The following CBX5 variants were observed in gnomAD, a reference collection of about 807,000 sequenced individuals.
CBX5 encodes chromobox 5, also known as chromobox protein homolog 5.
Under a neutral mutation model 20.7 loss-of-function variants are expected in CBX5, and 7 were observed. The ratio of observed to expected loss-of-function variants is 0.34; its 90% confidence interval spans 0.19 to 0.63. The LOEUF (loss-of-function observed/expected upper bound fraction) is 0.63, where lower values mean the gene tolerates loss of function less well. Among genes scored for constraint, CBX5 ranks in the 30% least tolerant of loss-of-function variants. The pLI is 0.75. For synonymous variants in CBX5, 78 were observed against 77.0 expected, an observed-to-expected ratio of 1.01 and a Z score of -0.07; for missense variants, 110 against 224.1, an observed-to-expected ratio of 0.49 and a Z score of 3.25.
At chr12:54,260,370 A>G (rs1943904570) in intron 1 of CBX5, among the ~76,000 whole-genome samples, 1 of 151,968 alleles carries the variant, frequency 6.6e-6, no homozygotes, top group Non-Finnish European at 1.5e-5. Context: ...GCAGGCGCAT[A>G]TAGTCCCAGC....
intron 1 of CBX5, among the ~76,000 whole-genome samples, chr12:54,267,318 T>C (rs17109902): frequency 0.52 from 79,650 of 152,012 alleles, 23,107 homozygotes; most frequent in African/African-American, 0.78. Context: ...TGAAAACACT[T>C]GTCCCCAAAT....
intron 1 of CBX5, among the ~76,000 whole-genome samples, chr12:54,270,493 G>C (rs924785677): frequency 6.6e-6 from 1 of 152,132 alleles, no homozygotes; most frequent in African/African-American, 2.4e-5. Flanking sequence ...GGCTGGTCTT[G>C]AACTCCTGAG....
intron 1 of CBX5, among the ~76,000 whole-genome samples, chr12:54,262,199 A>C (rs1472100555): frequency 6.6e-6 from 1 of 152,216 alleles, no homozygotes; most frequent in Non-Finnish European, 1.5e-5. Context: ...TAACTCTGTG[A>C]AGGAATAAGG....
At chr12:54,272,001 C>T (rs1358549100) in intron 1 of CBX5, 3 of 152,184 alleles carry the variant, frequency 2.0e-5, no homozygotes. Flanking sequence ...CCCTCCACAA[C>T]TCCCTGTGAG....
At position 54,238,491 on chromosome 12, in the gene CBX5, T is replaced by G. The variant is rs897788228; in HGVS notation, c.*3264A>C. 2 of 152,216 alleles carry G rather than the reference T, an allele frequency of 1.3e-5. No individual in the cohort carries two copies. Among genetic ancestry groups the G allele is most frequent in the East Asian group, 3.8e-4 (2 of 5,200 alleles). The allele number at this position is 152,216 out of a possible 1,614,324, so 9.4% of individuals were successfully genotyped here. A position where few individuals can be genotyped will look rare whatever the true frequency, so the allele number is the denominator to read the frequency against. Reference sequence around the variant, plus strand: ...ATATAGCTTCTTCTCTGGGATCTACTGAGGAGTGAAATCTAAATGAAGATT... The same window carrying G: ...ATATAGCTTCTTCTCTGGGATCTACGGAGGAGTGAAATCTAAATGAAGATT... On this transcript the variant is annotated 3_prime_UTR_variant, in exon 5 of 5. Coordinates refer to ENST00000209875, the MANE Select transcript of CBX5 (RefSeq NM_012117.3).
At chr12:54,275,404 G>A (rs1353049403) in intron 1 of CBX5, among the ~76,000 whole-genome samples, 4 of 151,916 alleles carry the variant, frequency 2.6e-5, no homozygotes, top group Non-Finnish European at 5.9e-5. Flanking sequence ...ACCACGCCCG[G>A]CTAATTTTTT....
chr12:54,245,322 T>G (rs991746931), intron 4 of CBX5, among the ~76,000 whole-genome samples: 1 of 152,118 alleles, frequency 6.6e-6, no homozygotes, highest in Non-Finnish European at 1.5e-5. Flanking sequence ...TTATATATTT[T>G]CTACCTCAAA....
At chr12:54,259,568 T>C (rs2137023201) in intron 1 of CBX5, 1 of 152,786 alleles carries the variant, frequency 6.5e-6, no homozygotes, top group African/African-American at 2.4e-5. Flanking sequence ...CCCTCCCAGG[T>C]CTGGGTCTTG....
At chr12:54,249,525 T>C (rs921267001) in intron 3 of CBX5, among the ~76,000 whole-genome samples, 1 of 151,742 alleles carries the variant, frequency 6.6e-6, no homozygotes. Context: ...AGAATGAAGA[T>C]ACATAGGGAT....
intron 1 of CBX5, among the ~76,000 whole-genome samples, chr12:54,274,510 A>G (rs145286008): frequency 6.6e-6 from 1 of 152,364 alleles, no homozygotes; most frequent in Non-Finnish European, 1.5e-5. Context: ...CTTTAGGCCC[A>G]GTTTCATGTA....
rs971430278 is a variant in CBX5, at chr12:54,239,143, G to A, written c.*2612C>T. 2.0e-5 allele frequency: 3 copies of A among 152,132 alleles called. No individual in the cohort carries two copies. The highest frequency in any genetic ancestry group is 1.9e-4 in the East Asian group (1 of 5,206). The allele number at this position is 152,132 out of a possible 1,614,324, so 9.4% of individuals were successfully genotyped here. ...GGAAGAGAACAAAAGTTGTTTTGGCGGCACTCAGTACAATAAACCGAAGAC... is the reference window on the plus strand; with the variant it reads ...GGAAGAGAACAAAAGTTGTTTTGGCAGCACTCAGTACAATAAACCGAAGAC... On this transcript the variant is annotated 3_prime_UTR_variant, in exon 5 of 5. Coordinates refer to ENST00000209875, the MANE Select transcript of CBX5 (RefSeq NM_012117.3).
rs1943655071 is a variant in CBX5 at position 54,239,441 on chromosome 12, G to A, written c.*2314C>T. 1 of 152,160 alleles carries A rather than the reference G, an allele frequency of 6.6e-6. No homozygotes were observed. The highest frequency in any genetic ancestry group is 6.6e-5 in the Admixed American group (1 of 15,254). The allele number at this position is 152,160 out of a possible 1,614,324, so 9.4% of individuals were successfully genotyped here. A position where few individuals can be genotyped will look rare whatever the true frequency, so the allele number is the denominator to read the frequency against. On this transcript the variant is annotated 3_prime_UTR_variant, in exon 5 of 5. Coordinates refer to ENST00000209875, the MANE Select transcript of CBX5 (RefSeq NM_012117.3). ...ATACACTGGGCCACTTGGATAGGCT[G>A]TCATTTTCTGCAAATCAAGAGACCC...
chr12:54,264,343 G>A (rs1943940176), intron 1 of CBX5, among the ~76,000 whole-genome samples: 1 of 152,142 alleles, frequency 6.6e-6, no homozygotes, highest in African/African-American at 2.4e-5. Flanking sequence ...TTTTTGGTGA[G>A]ATGCAGTCTC....
chr12:54,273,980 C>T (rs1944035623), intron 1 of CBX5: 1 of 152,108 alleles, frequency 6.6e-6, no homozygotes, highest in South Asian at 2.1e-4. Flanking sequence ...ACCTTTAATC[C>T]CTCATTTCAA....
intron 1 of CBX5, among the ~76,000 whole-genome samples, chr12:54,270,627 T>C (rs1404139730): frequency 6.6e-6 from 1 of 152,198 alleles, no homozygotes; most frequent in Non-Finnish European, 1.5e-5. Flanking sequence ...TTCCAAGTAT[T>C]AGTTTTCTTT....
chr12:54,245,416 A>G (rs1943723686), intron 4 of CBX5, among the ~76,000 whole-genome samples: 1 of 152,160 alleles, frequency 6.6e-6, no homozygotes, highest in Admixed American at 6.5e-5. Context: ...AACACCAATA[A>G]TTGGTATCAG....
At chr12:54,249,724 AAGAG>A (rs1056118896) in intron 3 of CBX5, among the ~76,000 whole-genome samples, 6 of 152,252 alleles carry the variant, frequency 3.9e-5, no homozygotes, top group East Asian at 3.9e-4. Context: ...CACAGATGAA[AAGAG>A]AGAGAGGCAA....
At chr12:54,242,498 C>T (rs1419389834) in intron 4 of CBX5, among the ~76,000 whole-genome samples, 1 of 147,590 alleles carries the variant, frequency 6.8e-6, no homozygotes, top group Non-Finnish European at 1.5e-5. Flanking sequence ...GCACTCTAGC[C>T]TGAGCAACAG....
Position 54,235,601 on chromosome 12 carries a change from A to C in CBX5, c.*6154T>G, listed in dbSNP as rs1009677019. On this transcript the variant is annotated 3_prime_UTR_variant, in exon 5 of 5. Transcript: ENST00000209875. Reference sequence around the variant, plus strand: ...TGCACTCCAGCCTGGGAGACAGAGCAAGACTCCGTCTCAAAAAAAAAGAAA... The same window carrying C: ...TGCACTCCAGCCTGGGAGACAGAGCCAGACTCCGTCTCAAAAAAAAAGAAA... 1 of 152,276 alleles carries C rather than the reference A, an allele frequency of 6.6e-6. No homozygotes were observed. Among genetic ancestry groups the C allele is most frequent in the Non-Finnish European group, 1.5e-5 (1 of 68,158 alleles). 9.4% of individuals were successfully genotyped at this position (152,276 alleles called of 1,614,324 possible). A position where few individuals can be genotyped will look rare whatever the true frequency, so the allele number is the denominator to read the frequency against.
Sources: gnomAD v4.1 joint callset for allele counts (sites outside exome capture counted in the v4.1 genomes callset) on GRCh38, gnomAD v4.1.1 for gene constraint, MANE v1.5 for transcripts, NCBI Gene and HGNC (gene_info 2026-07-23, HGNC 2026-07-21) for gene names.